CDC42BPA: variants seen among roughly 807,000 people sequenced by gnomAD.
CDC42BPA encodes CDC42 binding protein kinase alpha.
CDC42BPA carries 80 observed loss-of-function variants against 223.5 expected under a neutral mutation model. The observed-to-expected ratio is 0.36, with a 90% CI of 0.30 to 0.43. The LOEUF is 0.43. CDC42BPA is among the 20% of genes least tolerant of loss of function. The pLI is 1.00. For missense variants in CDC42BPA, 1,743 were observed against 2,099.9 expected (o/e 0.83, Z 3.32); for synonymous variants, 694 against 718.6 (o/e 0.97, Z 0.55).
rs1050443706 is a variant in CDC42BPA at position 227,276,333 on chromosome 1, G to A, written c.179-22178C>T. Among the ~76,000 whole-genome samples the A allele has an allele frequency of 6.0e-5, 9 of 151,122 alleles. No homozygotes were observed. The South Asian group carries it at 6.3e-4, about 11-fold the overall frequency. ...GTGAGGAGCGTGTCTGGGAGGTGAGGAGCGTCTCTGCCCGGCCGCCCCGTC... is the reference window on the plus strand; with the variant it reads ...GTGAGGAGCGTGTCTGGGAGGTGAGAAGCGTCTCTGCCCGGCCGCCCCGTC... On this transcript the variant is annotated intron_variant, in intron 1 of 36. Transcript: ENST00000366766.
At chr1:227,038,195 T>C (rs368424984) in intron 24 of CDC42BPA, among the ~76,000 whole-genome samples, 23,256 of 151,690 alleles carry the variant, frequency 0.15, 2,169 homozygotes, top group African/African-American at 0.25. Context: ...CTGATGGTTT[T>C]ATAAAGGGGA....
At chr1:227,056,774 T>C (rs1470415754) in intron 21 of CDC42BPA, among the ~76,000 whole-genome samples, 4 of 152,212 alleles carry the variant, frequency 2.6e-5, no homozygotes, top group Non-Finnish European at 4.4e-5. Flanking sequence ...ATATTTTGTA[T>C]TGAGAACAAG....
intron 11 of CDC42BPA, among the ~76,000 whole-genome samples, chr1:227,126,143 C>T (rs1689542085): frequency 6.6e-6 from 1 of 151,730 alleles, no homozygotes; most frequent in Non-Finnish European, 1.5e-5. Context: ...CTTAAAGTGA[C>T]CTACACCCTA....
At chr1:227,288,381 T>TA (rs894314970) in intron 1 of CDC42BPA, among the ~76,000 whole-genome samples, 4 of 150,570 alleles carry the variant, frequency 2.7e-5, no homozygotes, top group Non-Finnish European at 5.9e-5. Context: ...CCTCAAAAAA[T>TA]AAAAAAATGA....
intron 35 of CDC42BPA, 69 bp from the exon 36 acceptor site, chr1:226,995,049 T>C (rs890687076): frequency 5.5e-6 from 8 of 1,441,536 alleles, no homozygotes; most frequent in Non-Finnish European, 7.6e-6. Flanking sequence ...GCACACAGAC[T>C]GCTGAGCTGA....
rs1176636351 is a variant in CDC42BPA at position 227,143,061 on chromosome 1, G to C, written c.1144-37C>G. ...AAAAACATCTGGTAAGAAATAGATAGCTATATGATCTGTAGGCTTGGCTAT... is the reference window on the plus strand; with the variant it reads ...AAAAACATCTGGTAAGAAATAGATACCTATATGATCTGTAGGCTTGGCTAT... On this transcript the variant is annotated intron_variant, in intron 8 of 36. Transcript: ENST00000366766. 4 of 1,295,224 alleles carry C rather than the reference G, an allele frequency of 3.1e-6. No homozygotes were observed. The East Asian group carries it at 8.4e-5, about 27-fold the overall frequency. 80.2% of individuals were successfully genotyped at this position (1,295,224 alleles called of 1,614,324 possible). A position where few individuals can be genotyped will look rare whatever the true frequency, so the allele number is the denominator to read the frequency against.
At chr1:227,059,353 A>G (rs1403239063) in intron 21 of CDC42BPA, 8 of 1,557,540 alleles carry the variant, frequency 5.1e-6, no homozygotes, top group South Asian at 4.7e-5. Context: ...ATGGGTACAT[A>G]AAGTGCAAAA....
chr1:227,207,239 A>G (rs1672915760), intron 3 of CDC42BPA, among the ~76,000 whole-genome samples: 1 of 150,144 alleles, frequency 6.7e-6, no homozygotes, highest in Non-Finnish European at 1.5e-5. Context: ...AGTTTCATCC[A>G]TGTCCCTACA....
intron 1 of CDC42BPA, among the ~76,000 whole-genome samples, chr1:227,261,291 T>G (rs904756328): frequency 1.3e-5 from 2 of 150,496 alleles, no homozygotes; most frequent in African/African-American, 5.0e-5. Context: ...AATTTTTGTA[T>G]TTTTAGTAGA....
chr1:227,016,842 C>A, intron 33 of CDC42BPA, 85 bp downstream of exon 33: 1 of 1,332,814 alleles, frequency 7.5e-7, no homozygotes, highest in Non-Finnish European at 9.9e-7. Flanking sequence ...ACCCAATTTT[C>A]CTTCCAAATC....
At chr1:227,043,433 T>C (rs1671794514) in intron 23 of CDC42BPA, among the ~76,000 whole-genome samples, 1 of 151,462 alleles carries the variant, frequency 6.6e-6, no homozygotes, top group East Asian at 1.9e-4. Flanking sequence ...AAAAAAAATT[T>C]AATTTTCTTT....
intron 17 of CDC42BPA, among the ~76,000 whole-genome samples, chr1:227,077,983 T>C (rs1363050480): frequency 1.3e-5 from 2 of 152,180 alleles, no homozygotes; most frequent in African/African-American, 2.4e-5. Context: ...TAAGAGCTAT[T>C]TGCCTAATCA....
At chr1:227,019,361 C>A (rs1026061218) in intron 32 of CDC42BPA, among the ~76,000 whole-genome samples, 1 of 152,092 alleles carries the variant, frequency 6.6e-6, no homozygotes, top group Non-Finnish European at 1.5e-5. Context: ...CTCTTTTCAC[C>A]ACATCTGTAG....
chr1:227,144,622 CA>C (rs949427491), intron 8 of CDC42BPA, among the ~76,000 whole-genome samples: 41 of 119,752 alleles, frequency 3.4e-4, no homozygotes, highest in African/African-American at 1.2e-3. Flanking sequence ...GCTAAAAAGG[CA>C]AAAAACTCAA....
At chr1:227,199,523 A>G in intron 4 of CDC42BPA, 34 bp downstream of exon 4, 1 of 1,161,536 alleles carries the variant, frequency 8.6e-7, no homozygotes, top group Non-Finnish European at 1.3e-6. Flanking sequence ...TCCAACAAAA[A>G]AACAGTATAT....
At chr1:227,126,375 C>A (rs542861319) in intron 11 of CDC42BPA, among the ~76,000 whole-genome samples, 1 of 152,012 alleles carries the variant, frequency 6.6e-6, no homozygotes, top group Non-Finnish European at 1.5e-5. Flanking sequence ...CAGGTGGATC[C>A]CCTGCTGGTA....
chr1:227,250,019 T>A (rs1681694674), intron 2 of CDC42BPA, among the ~76,000 whole-genome samples: 2 of 151,806 alleles, frequency 1.3e-5, no homozygotes, highest in South Asian at 2.1e-4. Flanking sequence ...TAACTAAGAG[T>A]ACAACTGGAT....
chr1:227,079,101 G>C (rs1430082922), intron 17 of CDC42BPA, among the ~76,000 whole-genome samples: 2 of 152,110 alleles, frequency 1.3e-5, no homozygotes, highest in African/African-American at 4.8e-5. Flanking sequence ...TAACTTTGAA[G>C]TGGTAAGAAA....
At chr1:227,064,212 G>A (rs1276600128) in intron 21 of CDC42BPA, among the ~76,000 whole-genome samples, 3 of 152,046 alleles carry the variant, frequency 2.0e-5, no homozygotes, top group Non-Finnish European at 2.9e-5. Context: ...GAAAAACCAA[G>A]TTGAGTACAT....
Sources: allele counts gnomAD v4.1 joint callset (sites outside exome capture counted in the v4.1 genomes callset), GRCh38; gene constraint gnomAD v4.1.1; transcripts MANE v1.5; gene names NCBI Gene and HGNC (gene_info 2026-07-23, HGNC 2026-07-21).